FXYD7: variants seen among roughly 807,000 people sequenced by gnomAD.
FXYD7 encodes the protein FXYD domain-containing ion transport regulator 7.
FXYD7 carries 7 observed loss-of-function variants against 15.3 expected under a neutral mutation model. The ratio of observed to expected loss-of-function variants is 0.46; its 90% CI spans 0.26 to 0.86. The LOEUF is 0.86. Ranked by LOEUF, FXYD7 falls within the 40% of genes least tolerant of loss-of-function variation. The pLI, the probability that FXYD7 is intolerant of heterozygous loss-of-function variation, is 0.16. For missense variants in FXYD7, 78 were observed against 100.6 expected (o/e 0.78, Z 0.96); for synonymous variants, 39 against 39.3 (o/e 0.99, Z 0.03).
intron 1 of FXYD7, among the ~76,000 whole-genome samples, chr19:35,146,958 G>T (rs140245480): frequency 4.9e-4 from 75 of 152,208 alleles, no homozygotes; most frequent in African/African-American, 1.6e-3. Context: ...TGTTGCTTTG[G>T]GGCCACCTCT....
rs1334211037 is a variant in FXYD7 at position 35,143,861 on chromosome 19, G to A, written c.31+497G>A. ...AGCCAGGTTCAGAGGAAAGGAGTGA[G>A]AGCTGAAGGAAGAGACAGAGAGAAG... On this transcript the variant is annotated intron_variant, in intron 1 of 5. Coordinates refer to ENST00000270310, the MANE Select transcript of FXYD7 (RefSeq NM_022006.2). The surrounding 1 kb of genome is among the most constrained non-coding windows in gnomAD (Gnocchi z 4.3). 6.6e-6 allele frequency among the ~76,000 whole-genome samples: 1 copy of A among 152,210 alleles called. No homozygotes were observed. Among genetic ancestry groups the A allele is most frequent in the Non-Finnish European group, 1.5e-5 (1 of 68,042 alleles).
chr19:35,151,494 G>GTGGGCAAAGAGCGGGAGGGGGCC lies in FXYD7; in HGVS notation c.179+14_179+36dup. 6.2e-7 allele frequency: 1 copy of GTGGGCAAAGAGCGGGAGGGGGCC among 1,614,036 alleles called. No individual in the cohort carries two copies. The highest frequency in any genetic ancestry group is 8.5e-7 in the Non-Finnish European group (1 of 1,179,882). On this transcript the variant is annotated intron_variant, in intron 4 of 5. Transcript: ENST00000270310. The stretch of plus-strand genomic sequence containing the variant: ...TCCAGGTCTGAGAGGTCTGGCAGCA[G>GTGGGCAAAGAGCGGGAGGGGGCC]TGGGCAAAGAGCGGGAGGGGGCCTC...
chr19:35,152,171 G>C (rs1187128076), intron 5 of FXYD7, among the ~76,000 whole-genome samples: 1 of 123,576 alleles, frequency 8.1e-6, no homozygotes, highest in African/African-American at 3.1e-5. Flanking sequence ...AGGAAGAAAT[G>C]AAGGAAGGAA....
chr19:35,148,737 T>G lies in FXYD7; in HGVS notation c.61+14T>G, dbSNP rs1240502738. The stretch of plus-strand genomic sequence containing the variant: ...CATTTTACTATGGTGAGTGTTGGAT[T>G]TGGGGATAGGGCTGGACTGGGGAGT... On this transcript the variant is annotated intron_variant, in intron 2 of 5. Coordinates refer to ENST00000270310, the MANE Select transcript of FXYD7 (RefSeq NM_022006.2). The G allele has an allele frequency of 1.9e-6, 3 of 1,608,390 alleles. No individual in the cohort carries two copies. The highest frequency in any genetic ancestry group is 2.6e-6 in the Non-Finnish European group (3 of 1,175,364).
Position 35,149,918 on chromosome 19 carries a change from A to AT in FXYD7, c.61+1204dup, listed in dbSNP as rs569574318. On this transcript the variant is annotated intron_variant, in intron 2 of 5. Transcript: ENST00000270310. ...GAAGCTGCAATGAACTATGATCGTG[A>AT]TTTTTTTTTCTTTTTTTAGACAAAG... 2.8e-3 allele frequency among the ~76,000 whole-genome samples: 425 copies of AT among 151,430 alleles called. 5 individuals are homozygous for AT. The highest frequency in any genetic ancestry group is 2.7e-3 in the Admixed American group (41 of 15,182).
At chr19:35,147,722 G>A (rs1568405640) in intron 1 of FXYD7, among the ~76,000 whole-genome samples, 1 of 152,068 alleles carries the variant, frequency 6.6e-6, no homozygotes, top group Non-Finnish European at 1.5e-5. Flanking sequence ...GGCCAGGCAT[G>A]GTGGCTCACA....
chr19:35,152,504 T>C (rs971296072), intron 5 of FXYD7, among the ~76,000 whole-genome samples: 1 of 152,040 alleles, frequency 6.6e-6, no homozygotes, highest in Non-Finnish European at 1.5e-5. Flanking sequence ...GGTTTCTGAA[T>C]AGTTGCATCA....
chr19:35,145,663 T>G (rs1485498922), intron 1 of FXYD7, among the ~76,000 whole-genome samples: 3 of 152,274 alleles, frequency 2.0e-5, no homozygotes, highest in Non-Finnish European at 2.9e-5. Flanking sequence ...CAAGGGACCC[T>G]GAAGCAGCGT....
Position 35,143,350 on chromosome 19 carries a change from A to C in FXYD7, c.17A>C (p.Gln6Pro). Residue 6 changes from glutamine to proline, a missense_variant, in exon 1 of 6, where the codon CAG (glutamine) becomes CCG (proline). Physicochemically the swap from Gln to Pro is moderately conservative, Grantham distance 76 (BLOSUM62 -1). Transcript: ENST00000270310. The surrounding 1 kb of genome is among the most constrained non-coding windows in gnomAD (Gnocchi z 4.3). ...CGGCCCAGCATGGCGACCCCGACCC[A>C]GACCCCCACAAAGGGTGAGCGTCGT... is the stretch of plus-strand genomic sequence containing the variant. MATPT[Q>P]TPTKAPEEPD... 6.6e-7 allele frequency: 1 copy of C among 1,526,142 alleles called. No individual in the cohort carries two copies. The highest frequency in any genetic ancestry group is 8.8e-7 in the Non-Finnish European group (1 of 1,137,986). 94.5% of individuals were successfully genotyped at this position (1,526,142 alleles called of 1,614,324 possible).
chr19:35,148,306 C>T (rs957139111), intron 1 of FXYD7, among the ~76,000 whole-genome samples: 6 of 152,108 alleles, frequency 3.9e-5, no homozygotes, highest in Non-Finnish European at 8.8e-5. Context: ...TTCATTGGTT[C>T]ACCAGTGGAA....
rs1451100767 is a variant in FXYD7, at chr19:35,143,941, G to A, written c.31+577G>A. 6.6e-6 allele frequency among the ~76,000 whole-genome samples: 1 copy of A among 152,132 alleles called. No individual in the cohort carries two copies. ...CTGGAAGAGACAGAGACCAAGAGAG[G>A]CAGGAGATCCAGAGTCACAGATACA... On this transcript the variant is annotated intron_variant, in intron 1 of 5. Transcript: ENST00000270310. This position sits in a 1 kb window ranked among gnomAD's most constrained non-coding sequence, Gnocchi z 4.3.
rs567402223 is a variant in FXYD7, at chr19:35,151,938, A to G, written c.220+265A>G. ...CAGATCACCTGAGGTCAGGAGATCG[A>G]GATCAGCCCGGCCAACATGGTGAAA... On this transcript the variant is annotated intron_variant, in intron 5 of 5. Coordinates refer to ENST00000270310, the MANE Select transcript of FXYD7 (RefSeq NM_022006.2). Among the ~76,000 whole-genome samples, 7 of 152,050 alleles carry G rather than the reference A, an allele frequency of 4.6e-5. No homozygotes were observed. In the East Asian group the frequency reaches 1.4e-3, roughly 29 times the overall value.
In FXYD7 at chr19:35,154,280, T is replaced by C. The variant is rs1298739000; in HGVS notation, c.*364T>C. 2 of 354,284 alleles carry C rather than the reference T, an allele frequency of 5.6e-6. No individual in the cohort carries two copies. The highest frequency in any genetic ancestry group is 1.2e-4 in the East Asian group (2 of 17,042). The allele number at this position is 354,284 out of a possible 1,614,324, so 21.9% of individuals were successfully genotyped here. On this transcript the variant is annotated 3_prime_UTR_variant, in exon 6 of 6. Coordinates refer to ENST00000270310, the MANE Select transcript of FXYD7 (RefSeq NM_022006.2). ...GTGTCCATGTCTTGAGCTTAATAAA[T>C]GTGCATTTGGTTTTTTCCTCTGTTC...
chr19:35,152,134 C>CAAAAAAA lies in FXYD7; in HGVS notation c.220+476_220+482dup, dbSNP rs71167517. Among the ~76,000 whole-genome samples, 47 of 45,126 alleles carry CAAAAAAA rather than the reference C, an allele frequency of 1.0e-3. 1 individual carries two copies. Among genetic ancestry groups the CAAAAAAA allele is most frequent in the African/African-American group, 3.5e-3 (40 of 11,508 alleles). The allele number at this position is 45,126 out of a possible 152,430, so 29.6% of individuals were successfully genotyped here. On this transcript the variant is annotated intron_variant, in intron 5 of 5. Transcript: ENST00000270310. ...AGCCTGGGTGATAGAGTGAGACTGTCAAAAAAAAAAAAAAAAAAAAAGAGG... is the reference window on the plus strand; with the variant it reads ...AGCCTGGGTGATAGAGTGAGACTGTCAAAAAAAAAAAAAAAAAAAAAAAAAAAAGAGG...
In FXYD7 at chr19:35,146,698, A is replaced by C. The variant is rs571909014; in HGVS notation, c.32-1996A>C. Among the ~76,000 whole-genome samples the C allele has an allele frequency of 4.6e-5, 7 of 152,256 alleles. No homozygotes were observed. In the South Asian group the frequency reaches 1.5e-3, roughly 32 times the overall value. On this transcript the variant is annotated intron_variant, in intron 1 of 5. Transcript: ENST00000270310. Reference sequence around the variant, plus strand: ...AGGAGAAAACCAAATAATGCCACAAAATTCTGCCTAGATTTTATTGCCTGC... The same window carrying C: ...AGGAGAAAACCAAATAATGCCACAACATTCTGCCTAGATTTTATTGCCTGC...
rs2065275881 is a variant in FXYD7 at position 35,143,353 on chromosome 19, C to A, written c.20C>A (p.Thr7Asn). ...CCCAGCATGGCGACCCCGACCCAGA[C>A]CCCCACAAAGGGTGAGCGTCGTTTG... MATPTQ[T>N]PTKAPEEPDP... Residue 7 changes from threonine (T) to asparagine (N), a missense_variant, in exon 1 of 6, where the codon ACC (threonine) becomes AAC (asparagine). By Grantham distance (65) the Thr-to-Asn change is moderately conservative. Transcript: ENST00000270310. This position sits in a 1 kb window ranked among gnomAD's most constrained non-coding sequence, Gnocchi z 4.3. 1 of 1,526,090 alleles carries A rather than the reference C, an allele frequency of 6.6e-7. No homozygotes were observed. The highest frequency in any genetic ancestry group is 1.2e-5 in the South Asian group (1 of 81,982). 94.5% of individuals were successfully genotyped at this position (1,526,090 alleles called of 1,614,324 possible). A position where few individuals can be genotyped will look rare whatever the true frequency, so the allele number is the denominator to read the frequency against.
At chr19:35,152,033 G>A (rs1218087050) in intron 5 of FXYD7, among the ~76,000 whole-genome samples, 2 of 147,986 alleles carry the variant, frequency 1.4e-5, no homozygotes, top group African/African-American at 2.6e-5. Flanking sequence ...CAGCTACTCA[G>A]GAGGCTGAGG....
At chr19:35,146,869 A>G (rs958129155) in intron 1 of FXYD7, among the ~76,000 whole-genome samples, 5 of 152,272 alleles carry the variant, frequency 3.3e-5, no homozygotes, top group Non-Finnish European at 5.9e-5. Context: ...AAACTTACAC[A>G]TTGTGTGAAC....
At chr19:35,151,566 C>A (rs1309900686) in intron 4 of FXYD7, 67 bp from the exon 5 acceptor site, 3 of 1,587,836 alleles carry the variant, frequency 1.9e-6, no homozygotes, top group African/African-American at 2.7e-5. Flanking sequence ...GCCTGCCATG[C>A]GTTTTCCCCA....
Sources: allele counts gnomAD v4.1 joint callset (sites outside exome capture counted in the v4.1 genomes callset), GRCh38; gene constraint gnomAD v4.1.1; non-coding constraint Gnocchi (gnomAD v3.1); transcripts MANE v1.5; gene names NCBI Gene and HGNC (gene_info 2026-07-23, HGNC 2026-07-21).